GALNT11: variants seen among roughly 807,000 people sequenced by gnomAD.
The protein encoded by GALNT11 is polypeptide N-acetylgalactosaminyltransferase 11.
Under a neutral mutation model 72.7 loss-of-function variants are expected in GALNT11, and 47 were observed. That is an observed-to-expected ratio of 0.65 (90% CI 0.51 to 0.82). GALNT11 has a LOEUF of 0.82. Among genes scored for constraint, GALNT11 ranks in the 40% least tolerant of loss-of-function variants. The probability of loss-of-function intolerance (pLI) is 0.00; values close to 1 mark genes in which losing one functional copy is unlikely to be tolerated. For synonymous variants in GALNT11, 270 were observed against 286.6 expected (o/e 0.94, Z 0.58); for missense variants, 677 against 778.4 (o/e 0.87, Z 1.55).
intron 1 of GALNT11, among the ~76,000 whole-genome samples, chr7:152,091,060 T>C (rs918245664): frequency 6.6e-6 from 1 of 151,772 alleles, no homozygotes; most frequent in African/African-American, 2.4e-5. Flanking sequence ...TTGTTGTTGT[T>C]TTTTTCATGT....
chr7:152,080,484 A>G (rs2085255412), intron 1 of GALNT11, among the ~76,000 whole-genome samples: 2 of 152,202 alleles, frequency 1.3e-5, no homozygotes, highest in African/African-American at 4.8e-5. Flanking sequence ...ACCTGAGTCT[A>G]TTAATTTTTT....
intron 10 of GALNT11, chr7:152,120,561 C>A (rs1371529717): frequency 5.5e-6 from 2 of 362,878 alleles, no homozygotes; most frequent in Non-Finnish European, 1.0e-5. Context: ...AATTGTTAAA[C>A]CCTAAAATTG....
rs149923617 is a variant in GALNT11 at position 152,086,899 on chromosome 7, T to G, written c.-38-7291T>G. Reference sequence around the variant, plus strand: ...ACATGGCTGTTGTTCTGTGCTAGTTTTTATACTATTGTTGAATAAGATGGT... The same window carrying G: ...ACATGGCTGTTGTTCTGTGCTAGTTGTTATACTATTGTTGAATAAGATGGT... On this transcript the variant is annotated intron_variant, in intron 1 of 11. Transcript: ENST00000430044. 2.6e-5 allele frequency among the ~76,000 whole-genome samples: 4 copies of G among 152,336 alleles called. No homozygotes were observed. The East Asian group carries it at 7.7e-4, about 29-fold the overall frequency.
chr7:152,056,447 G>A (rs1315607898), intron 1 of GALNT11, among the ~76,000 whole-genome samples: 2 of 152,140 alleles, frequency 1.3e-5, no homozygotes, highest in South Asian at 2.1e-4. Flanking sequence ...AGAACCACTG[G>A]AGTAGAGTAT....
At position 152,039,548 on chromosome 7, in the gene GALNT11, G is replaced by A. The variant is rs897753539; in HGVS notation, c.-39+13664G>A. 1.4e-4 allele frequency among the ~76,000 whole-genome samples: 22 copies of A among 152,026 alleles called. 1 individual carries two copies. The South Asian group carries it at 1.9e-3, about 13-fold the overall frequency. ...TCCCGCTTTCCTCAGGTTTTCTTCCGCCATCTGTGACAGCTTCTTGATCTG... is the reference window on the plus strand; with the variant it reads ...TCCCGCTTTCCTCAGGTTTTCTTCCACCATCTGTGACAGCTTCTTGATCTG... On this transcript the variant is annotated intron_variant, in intron 1 of 11. Coordinates refer to ENST00000430044, the MANE Select transcript of GALNT11 (RefSeq NM_022087.4).
chr7:152,115,400 TATA>T (rs1220279127), intron 8 of GALNT11, among the ~76,000 whole-genome samples: 2 of 152,188 alleles, frequency 1.3e-5, no homozygotes, highest in Admixed American at 1.3e-4. Flanking sequence ...ATATCATTGA[TATA>T]ATAATAATTT....
chr7:152,054,503 C>CTTT (rs1037895401), intron 1 of GALNT11, among the ~76,000 whole-genome samples: 152 of 72,026 alleles, frequency 2.1e-3, no homozygotes, highest in Non-Finnish European at 3.1e-3. Flanking sequence ...TTTTTCTTGT[C>CTTT]TTTTTTTTTT....
chr7:152,058,648 T>C (rs779848459), intron 1 of GALNT11, among the ~76,000 whole-genome samples: 4 of 152,196 alleles, frequency 2.6e-5, no homozygotes, highest in Non-Finnish European at 4.4e-5. Context: ...GTTCTTAAAA[T>C]AAGACGGAAG....
intron 1 of GALNT11, among the ~76,000 whole-genome samples, chr7:152,060,625 C>T (rs56294363): frequency 9.9e-5 from 15 of 151,826 alleles, no homozygotes; most frequent in African/African-American, 2.4e-4. Flanking sequence ...TCCCTCCCCC[C>T]CCTCCACCCC....
At chr7:152,105,137 T>C in intron 4 of GALNT11, 108 bp from the exon 5 acceptor site, 2 of 1,157,838 alleles carry the variant, frequency 1.7e-6, no homozygotes, top group Non-Finnish European at 2.4e-6. Flanking sequence ...ATTTGCTTGA[T>C]AGTTTGTTGT....
intron 6 of GALNT11, among the ~76,000 whole-genome samples, chr7:152,109,437 A>G (rs1304813648): frequency 6.6e-6 from 1 of 151,804 alleles, no homozygotes; most frequent in Admixed American, 6.6e-5. Context: ...GGCTGCTTAC[A>G]TTTTTTTTGG....
intron 2 of GALNT11, among the ~76,000 whole-genome samples, chr7:152,097,165 T>C (rs1347969871): frequency 6.6e-6 from 1 of 152,134 alleles, no homozygotes; most frequent in Non-Finnish European, 1.5e-5. Context: ...AAAAGACAAA[T>C]GGCACAATTT....
intron 1 of GALNT11, among the ~76,000 whole-genome samples, chr7:152,056,751 T>C (rs2083700665): frequency 6.6e-6 from 1 of 152,158 alleles, no homozygotes; most frequent in African/African-American, 2.4e-5. Context: ...GGACACATTA[T>C]AACCTCTAGA....
intron 1 of GALNT11, among the ~76,000 whole-genome samples, chr7:152,087,948 C>T (rs1322543291): frequency 6.6e-6 from 1 of 152,206 alleles, no homozygotes; most frequent in Non-Finnish European, 1.5e-5. Context: ...TGATATATGG[C>T]AGAATGGGAT....
At chr7:152,049,761 A>G (rs1295266214) in intron 1 of GALNT11, among the ~76,000 whole-genome samples, 1 of 152,178 alleles carries the variant, frequency 6.6e-6, no homozygotes, top group Non-Finnish European at 1.5e-5. Context: ...TCCTGGAGCC[A>G]GGTCCTGGAG....
chr7:152,087,700 G>A (rs925644938), intron 1 of GALNT11, among the ~76,000 whole-genome samples: 4 of 152,190 alleles, frequency 2.6e-5, no homozygotes, highest in African/African-American at 9.6e-5. Flanking sequence ...CATTAAACAA[G>A]AAAACAAACA....
At chr7:152,120,496 G>GA (rs1406057882) in intron 10 of GALNT11, 1 of 226,174 alleles carries the variant, frequency 4.4e-6, no homozygotes, top group African/African-American at 2.4e-5. Flanking sequence ...GGGTCAGCCA[G>GA]AGGCTGTCGG....
At chr7:152,080,348 T>C (rs1361494250) in intron 1 of GALNT11, among the ~76,000 whole-genome samples, 2 of 152,234 alleles carry the variant, frequency 1.3e-5, no homozygotes, top group Non-Finnish European at 1.5e-5. Flanking sequence ...GTTGTTCTTA[T>C]ATTTTCAAGT....
At chr7:152,026,014 G>A (rs923243888) in intron 1 of GALNT11, 130 bp downstream of exon 1, 2 of 153,246 alleles carry the variant, frequency 1.3e-5, no homozygotes, top group Non-Finnish European at 2.9e-5. Flanking sequence ...GCGGGTCCTG[G>A]GCTCCCGCAC....
Sources: gnomAD v4.1 joint callset for allele counts (sites outside exome capture counted in the v4.1 genomes callset) on GRCh38, gnomAD v4.1.1 for gene constraint, MANE v1.5 for transcripts, NCBI Gene and HGNC (gene_info 2026-07-23, HGNC 2026-07-21) for gene names.